Variants in STYX observed in about 807,000 individuals in gnomAD.
STYX encodes the protein serine/threonine/tyrosine-interacting protein.
STYX carries 20 observed loss-of-function variants against 42.7 expected under a neutral mutation model. That is an observed-to-expected ratio of 0.47 (90% CI 0.33 to 0.68). The LOEUF (loss-of-function observed/expected upper bound fraction) is 0.68, where lower values mean the gene tolerates loss of function less well. Among genes scored for constraint, STYX ranks in the 30% least tolerant of loss-of-function variants. The pLI is 0.02. For synonymous variants in STYX, 78 were observed against 81.9 expected (o/e 0.95, Z 0.26); for missense variants, 226 against 268.5 (o/e 0.84, Z 1.11).
chr14:52,756,618 A>C lies in STYX; in HGVS notation c.303+7A>C, dbSNP rs1411268577. 1.0e-5 allele frequency: 14 copies of C among 1,371,692 alleles called. No individual in the cohort carries two copies. Among genetic ancestry groups the C allele is most frequent in the Non-Finnish European group, 1.4e-5 (14 of 1,003,064 alleles). 85.0% of individuals were successfully genotyped at this position (1,371,692 alleles called of 1,614,324 possible). On this transcript the variant is annotated splice_region_variant and intron_variant, in intron 5 of 10. Coordinates refer to ENST00000354586, the MANE Select transcript of STYX (RefSeq NM_145251.4). The stretch of plus-strand genomic sequence containing the variant: ...AATACGTTTTTTCCCTATGGTAGGT[A>C]CCAGTATTTTTTAAATATCATTTAA...
In STYX at chr14:52,764,062, G is replaced by T. The variant is rs180737080; in HGVS notation, c.504+4308G>T. On this transcript the variant is annotated intron_variant, in intron 9 of 10. Coordinates refer to ENST00000354586, the MANE Select transcript of STYX (RefSeq NM_145251.4). ...GGCTGGAGTGCAGTGGTGCGATCTC[G>T]GCTCACTGCAACCTCTGCCTCCTGG... Among the ~76,000 whole-genome samples the T allele has an allele frequency of 6.0e-3, 919 of 152,016 alleles. 8 individuals carry two copies. Among genetic ancestry groups the T allele is most frequent in the Non-Finnish European group, 9.0e-3 (610 of 67,942 alleles).
chr14:52,769,097 A>G (rs1447930303), intron 10 of STYX, among the ~76,000 whole-genome samples, 164 bp downstream of exon 10: 1 of 152,178 alleles, frequency 6.6e-6, no homozygotes, highest in Non-Finnish European at 1.5e-5. Context: ...GTGTACTATA[A>G]TAAGCTTAAG....
chr14:52,764,059 C>A (rs1023763869), intron 9 of STYX, among the ~76,000 whole-genome samples: 14 of 152,106 alleles, frequency 9.2e-5, no homozygotes, highest in African/African-American at 2.9e-4. Context: ...GTGGTGCGAT[C>A]TCGGCTCACT....
At chr14:52,752,489 T>G (rs1232427192) in intron 4 of STYX, among the ~76,000 whole-genome samples, 1 of 151,870 alleles carries the variant, frequency 6.6e-6, no homozygotes, top group East Asian at 1.9e-4. Flanking sequence ...AATTTAATGC[T>G]CTGCTTTATT....
chr14:52,749,447 A>T (rs114691752), intron 3 of STYX, among the ~76,000 whole-genome samples: 1 of 152,178 alleles, frequency 6.6e-6, no homozygotes, highest in Non-Finnish European at 1.5e-5. Context: ...AATATATAGG[A>T]TTTAAAACAA....
At chr14:52,740,244 G>A (rs1238561883) in intron 1 of STYX, among the ~76,000 whole-genome samples, 1 of 152,124 alleles carries the variant, frequency 6.6e-6, no homozygotes, top group East Asian at 1.9e-4. Context: ...CCACTGCATT[G>A]CACTCCAGCC....
intron 6 of STYX, among the ~76,000 whole-genome samples, 169 bp downstream of exon 6, chr14:52,757,524 G>A (rs1437697896): frequency 1.3e-5 from 2 of 152,118 alleles, no homozygotes; most frequent in African/African-American, 2.4e-5. Flanking sequence ...AGGCTTTCTG[G>A]AGTATCCCTG....
intron 8 of STYX, among the ~76,000 whole-genome samples, chr14:52,759,009 T>C (rs1251092796): frequency 1.3e-5 from 2 of 152,238 alleles, no homozygotes; most frequent in African/African-American, 4.8e-5. Flanking sequence ...GTCTCTGCTA[T>C]GAGCTCAGTA....
intron 1 of STYX, among the ~76,000 whole-genome samples, chr14:52,734,234 T>A (rs2139875800): frequency 6.6e-6 from 1 of 152,250 alleles, no homozygotes; most frequent in South Asian, 2.1e-4. Context: ...GCGTGGAAAG[T>A]TAGGGTTTTC....
chr14:52,767,034 G>A (rs1036425439), intron 9 of STYX, among the ~76,000 whole-genome samples: 1 of 152,122 alleles, frequency 6.6e-6, no homozygotes, highest in Non-Finnish European at 1.5e-5. Context: ...AAATGTAGTA[G>A]GCCAGAAGTA....
At position 52,772,735 on chromosome 14, in the gene STYX, GATTA is replaced by G. The variant is rs1392038193; in HGVS notation, c.*1635_*1638del. Reference sequence around the variant, plus strand: ...TTACCCAGCATAGTGGGAGAGTGGAGATTAATTAAAATTGTTAATTAAGAGTTAA... The same window carrying G: ...TTACCCAGCATAGTGGGAGAGTGGAGATTAAAATTGTTAATTAAGAGTTAA... On this transcript the variant is annotated 3_prime_UTR_variant, in exon 11 of 11. Transcript: ENST00000354586. The G allele has an allele frequency of 6.6e-6, 1 of 152,502 alleles. No homozygotes were observed. The highest frequency in any genetic ancestry group is 1.5e-5 in the Non-Finnish European group (1 of 68,006). 9.4% of individuals were successfully genotyped at this position (152,502 alleles called of 1,614,324 possible).
chr14:52,734,363 A>T (rs569327523), intron 1 of STYX, among the ~76,000 whole-genome samples: 5 of 152,294 alleles, frequency 3.3e-5, no homozygotes, highest in Admixed American at 6.5e-5. Flanking sequence ...AACAAATCTT[A>T]TTCAACGGTT....
intron 10 of STYX, among the ~76,000 whole-genome samples, chr14:52,769,794 T>G (rs1223616154): frequency 1.3e-5 from 2 of 152,224 alleles, no homozygotes; most frequent in Non-Finnish European, 2.9e-5. Flanking sequence ...TTCCAAACTC[T>G]TGTTATTTGG....
intron 1 of STYX, among the ~76,000 whole-genome samples, chr14:52,740,628 A>G (rs2139886783): frequency 6.6e-6 from 1 of 152,306 alleles, no homozygotes; most frequent in South Asian, 2.1e-4. Flanking sequence ...ATTCTTAATT[A>G]ACAGTTGTTT....
intron 9 of STYX, among the ~76,000 whole-genome samples, chr14:52,764,323 C>T (rs999543498): frequency 6.6e-6 from 1 of 152,080 alleles, no homozygotes; most frequent in East Asian, 1.9e-4. Flanking sequence ...CAGTTAACCT[C>T]GTTTAATATT....
chr14:52,758,780 TG>T (rs1288060240), intron 8 of STYX, among the ~76,000 whole-genome samples: 1 of 152,148 alleles, frequency 6.6e-6, no homozygotes, highest in African/African-American at 2.4e-5. Context: ...TTCACCATGT[TG>T]GCCAGGATGG....
rs1193610758 is a variant in STYX, at chr14:52,746,422, C to A, written c.91-4C>A. 6.5e-7 allele frequency: 1 copy of A among 1,534,464 alleles called. No homozygotes were observed. Among genetic ancestry groups the A allele is most frequent in the South Asian group, 1.2e-5 (1 of 80,386 alleles). ...GTAAATACCTCAAATTTTTTTTTTT[C>A]TAGGAAATTTTACCTGGATTGTTCT... On this transcript the variant is annotated splice_polypyrimidine_tract_variant and splice_region_variant and intron_variant, in intron 2 of 10. Transcript: ENST00000354586.
intron 2 of STYX, among the ~76,000 whole-genome samples, chr14:52,745,311 G>A (rs912797185): frequency 1.3e-5 from 2 of 151,968 alleles, no homozygotes; most frequent in Admixed American, 6.6e-5. Flanking sequence ...GTAGAGACAG[G>A]GTTTCTCCTT....
intron 6 of STYX, 152 bp downstream of exon 6, chr14:52,757,507 T>C: frequency 1.2e-6 from 1 of 848,936 alleles, no homozygotes; most frequent in Middle Eastern, 3.6e-4. Context: ...ACTTGTTTCA[T>C]TTGGATAGGC....
Sources: gnomAD v4.1 joint callset for allele counts (sites outside exome capture counted in the v4.1 genomes callset) on GRCh38, gnomAD v4.1.1 for gene constraint, MANE v1.5 for transcripts, NCBI Gene and HGNC (gene_info 2026-07-23, HGNC 2026-07-21) for gene names.